COMMD10: variants seen among roughly 807,000 people sequenced by gnomAD.
COMMD10 encodes COMM domain containing 10, also known as COMM domain-containing protein 10.
Under a neutral mutation model 28.9 loss-of-function variants are expected in COMMD10, and 33 were observed. The observed-to-expected ratio is 1.14, with a 90% CI of 0.87 to 1.53. The LOEUF (loss-of-function observed/expected upper bound fraction) is 1.53. COMMD10 is among the 40% of genes most tolerant of loss of function. COMMD10 has a pLI of 0.00. For missense variants in COMMD10, 310 were observed against 233.4 expected, an observed-to-expected ratio of 1.33 and a Z score of -2.14; for synonymous variants, 110 against 81.7, an observed-to-expected ratio of 1.35 and a Z score of -1.87.
At chr5:116,144,635 T>C (rs1310603337) in intron 5 of COMMD10, among the ~76,000 whole-genome samples, 1 of 151,864 alleles carries the variant, frequency 6.6e-6, no homozygotes, top group Non-Finnish European at 1.5e-5. Flanking sequence ...TATTGGATGC[T>C]ATTTGAGAGG....
chr5:116,196,684 A>G (rs1748531478), intron 5 of COMMD10, among the ~76,000 whole-genome samples: 1 of 152,010 alleles, frequency 6.6e-6, no homozygotes, highest in Non-Finnish European at 1.5e-5. Context: ...GTATGTGCTT[A>G]TATTCAAACA....
At position 116,292,629 on chromosome 5, in the gene COMMD10, A is replaced by T. The variant is rs1751399393; in HGVS notation, c.*140A>T. The T allele has an allele frequency of 1.8e-6, 1 of 553,552 alleles. No homozygotes were observed. The highest frequency in any genetic ancestry group is 3.1e-6 in the Non-Finnish European group (1 of 319,844). 34.3% of individuals were successfully genotyped at this position (553,552 alleles called of 1,614,324 possible). A position where few individuals can be genotyped will look rare whatever the true frequency, so the allele number is the denominator to read the frequency against. On this transcript the variant is annotated 3_prime_UTR_variant, in exon 7 of 7. Transcript: ENST00000274458. ...ATATGGCTTATCACTTCTTAGACAA[A>T]TAACAACCAATAGAGATCATTGTTA...
intron 5 of COMMD10, among the ~76,000 whole-genome samples, chr5:116,165,418 G>A (rs996255805): frequency 6.6e-6 from 1 of 152,044 alleles, no homozygotes; most frequent in Admixed American, 6.6e-5. Flanking sequence ...AGTCTGCTAG[G>A]GCTGCCAAAA....
chr5:116,247,256 C>T (rs1235460806), intron 5 of COMMD10, among the ~76,000 whole-genome samples: 1 of 151,936 alleles, frequency 6.6e-6, no homozygotes, highest in African/African-American at 2.4e-5. Flanking sequence ...AAATGCAAAT[C>T]AGAACCACAA....
chr5:116,265,832 C>T lies in COMMD10; in HGVS notation c.511-25685C>T, dbSNP rs114222578. On this transcript the variant is annotated intron_variant, in intron 5 of 6. Coordinates refer to ENST00000274458, the MANE Select transcript of COMMD10 (RefSeq NM_016144.4). Reference sequence around the variant, plus strand: ...AGACTGGCTTAAAACACATGCAGTTCGACACCAGAGATGACACTCTTAACC... The same window carrying T: ...AGACTGGCTTAAAACACATGCAGTTTGACACCAGAGATGACACTCTTAACC... Among the ~76,000 whole-genome samples the T allele has an allele frequency of 1.8e-3, 275 of 151,764 alleles. 7 individuals carry two copies. Among genetic ancestry groups the T allele is most frequent in the African/African-American group, 6.2e-3 (254 of 41,194 alleles).
At chr5:116,180,974 G>GA (rs1350172427) in intron 5 of COMMD10, among the ~76,000 whole-genome samples, 2 of 151,984 alleles carry the variant, frequency 1.3e-5, no homozygotes, top group Non-Finnish European at 2.9e-5. Context: ...ACAACATGGT[G>GA]AAACCCTGTT....
intron 5 of COMMD10, among the ~76,000 whole-genome samples, chr5:116,185,620 T>G (rs1275120317): frequency 6.6e-6 from 1 of 152,076 alleles, no homozygotes; most frequent in Non-Finnish European, 1.5e-5. Flanking sequence ...GAACAAAACA[T>G]AGCAAAAGGA....
chr5:116,198,786 G>A (rs762818761), intron 5 of COMMD10, among the ~76,000 whole-genome samples: 3 of 151,940 alleles, frequency 2.0e-5, no homozygotes, highest in Admixed American at 2.0e-4. Flanking sequence ...TTCATGCATC[G>A]ATAGCTCATT....
intron 5 of COMMD10, among the ~76,000 whole-genome samples, chr5:116,269,140 T>G (rs1386532667): frequency 6.6e-6 from 1 of 151,514 alleles, no homozygotes; most frequent in Non-Finnish European, 1.5e-5. Context: ...AGAAAAAAAA[T>G]TGGTTTTTAC....
intron 2 of COMMD10, among the ~76,000 whole-genome samples, chr5:116,089,010 A>G (rs1341869139): frequency 2.6e-5 from 4 of 152,196 alleles, no homozygotes; most frequent in Non-Finnish European, 4.4e-5. Flanking sequence ...TTGCTGTGGA[A>G]AACACAAAAC....
chr5:116,275,064 C>A (rs1561404412), intron 5 of COMMD10, among the ~76,000 whole-genome samples: 1 of 151,786 alleles, frequency 6.6e-6, no homozygotes, highest in Non-Finnish European at 1.5e-5. Context: ...GATTACTTCC[C>A]TCAACCCCCA....
intron 4 of COMMD10, among the ~76,000 whole-genome samples, chr5:116,126,570 A>G (rs1167019001): frequency 1.3e-5 from 2 of 151,746 alleles, no homozygotes; most frequent in East Asian, 3.8e-4. Context: ...CTGGTACCAA[A>G]ACAGAGATAT....
intron 5 of COMMD10, among the ~76,000 whole-genome samples, chr5:116,151,300 G>T (rs1752518324): frequency 6.6e-6 from 1 of 151,888 alleles, no homozygotes; most frequent in South Asian, 2.1e-4. Flanking sequence ...TGTTCATCAA[G>T]CATATTGGTC....
At chr5:116,211,785 C>T (rs1028166377) in intron 5 of COMMD10, among the ~76,000 whole-genome samples, 19 of 152,056 alleles carry the variant, frequency 1.2e-4, no homozygotes, top group Admixed American at 5.2e-4. Context: ...CACATGCACA[C>T]GCACACTCTC....
At chr5:116,087,171 A>G (rs1408047148) in intron 1 of COMMD10, among the ~76,000 whole-genome samples, 1 of 152,080 alleles carries the variant, frequency 6.6e-6, no homozygotes, top group Non-Finnish European at 1.5e-5. Flanking sequence ...TCAGAGTTCC[A>G]TTTTTGGGTT....
chr5:116,104,772 A>G (rs533072515), intron 4 of COMMD10, among the ~76,000 whole-genome samples: 1 of 152,124 alleles, frequency 6.6e-6, no homozygotes, highest in Non-Finnish European at 1.5e-5. Flanking sequence ...GGTGCTTGCC[A>G]CCAAGCCCAG....
intron 5 of COMMD10, among the ~76,000 whole-genome samples, chr5:116,137,771 C>T (rs1752072133): frequency 6.6e-6 from 1 of 151,972 alleles, no homozygotes; most frequent in Non-Finnish European, 1.5e-5. Context: ...TCTTAGAACA[C>T]TTCTGTCTCG....
intron 5 of COMMD10, among the ~76,000 whole-genome samples, chr5:116,274,250 C>T (rs1450583289): frequency 1.3e-5 from 2 of 151,862 alleles, no homozygotes; most frequent in Admixed American, 6.6e-5. Flanking sequence ...CTTATTAGGT[C>T]ACTTTTGGTA....
At chr5:116,259,415 C>T (rs1320184766) in intron 5 of COMMD10, among the ~76,000 whole-genome samples, 2 of 151,462 alleles carry the variant, frequency 1.3e-5, no homozygotes, top group Non-Finnish European at 2.9e-5. Context: ...TTTCAAATCT[C>T]ACTGAGAATT....
Sources: gnomAD v4.1 joint callset for allele counts (sites outside exome capture counted in the v4.1 genomes callset) on GRCh38, gnomAD v4.1.1 for gene constraint, MANE v1.5 for transcripts, NCBI Gene and HGNC (gene_info 2026-07-23, HGNC 2026-07-21) for gene names.